BPIFA1: variants seen among roughly 807,000 people sequenced by gnomAD.
BPIFA1 encodes the protein BPI fold containing family A member 1, also known as BPI fold-containing family A member 1.
In BPIFA1, 24 loss-of-function variants were observed where a neutral mutation model predicts 25.1. The ratio of observed to expected loss-of-function variants is 0.96; its 90% CI spans 0.69 to 1.35. The LOEUF is 1.35. BPIFA1 is among the 40% of genes most tolerant of loss of function. BPIFA1 has a pLI of 0.00. For missense variants in BPIFA1, 344 were observed against 303.7 expected (o/e 1.13, Z -0.99); for synonymous variants, 139 against 131.8 (o/e 1.05, Z -0.37).
chr20:33,242,114 T>G lies in BPIFA1; in HGVS notation c.725T>G (p.Ile242Ser), dbSNP rs1417488502. The change falls in exon 7 of 9, where the codon ATT becomes AGT. Residue 242 changes from isoleucine (I) to serine (S), a missense_variant. Transcript: ENST00000354297. ...TTGGACATCACCCTGGTGCATGACA[T>G]TGTTAGTAAGTACCTGCTTTCAAGC... ...RGLDITLVHD[I>S]VNMLIHGLQF... 3 of 1,613,908 alleles carry G rather than the reference T, an allele frequency of 1.9e-6. No homozygotes were observed. Among genetic ancestry groups the G allele is most frequent in the Non-Finnish European group, 2.5e-6 (3 of 1,179,918 alleles).
intron 5 of BPIFA1, 145 bp downstream of exon 5, chr20:33,240,530 AGATGGATGGATGGATGGATGGATG>A (rs10677320): frequency 1.2e-5 from 9 of 749,494 alleles, no homozygotes; most frequent in East Asian, 1.2e-4. Flanking sequence ...GAGCGTGGAA[AGATGGATGGATGGATGGATGGATG>A]GATGGATGGA....
At position 33,238,110 on chromosome 20, in the gene BPIFA1, G is replaced by T. The variant is rs143582801; in HGVS notation, c.216G>T (p.Pro72=). The T allele has an allele frequency of 1.9e-6, 3 of 1,613,972 alleles. No homozygotes were observed. Among genetic ancestry groups the T allele is most frequent in the South Asian group, 2.2e-5 (2 of 91,070 alleles). Residue 72 remains proline, a synonymous_variant, in exon 3 of 9, where the codon CCG becomes CCT. Transcript: ENST00000354297. ...GGLLGILENL[P]LLDILKPGGG... ...TGTTGGGCATTCTGGAAAACCTTCC[G>T]CTCCTGGACATCCTGAAGCCTGGAG...
At position 33,238,178 on chromosome 20, in the gene BPIFA1, T is replaced by C; in HGVS notation, c.284T>C (p.Val95Ala). 1 of 1,613,854 alleles carries C rather than the reference T, an allele frequency of 6.2e-7. No homozygotes were observed. Reference protein sequence around the residue: ...GGLLGGLLGKVTSVIPGLNNI... With the variant: ...GGLLGGLLGKATSVIPGLNNI... ...CTCCTTGGGGGACTGCTTGGAAAAG[T>C]GACGTCAGTGATTCCTGGCCTGAAC... Residue 95 changes from valine (V) to alanine (A), a missense_variant, in exon 3 of 9, where the codon GTG becomes GCG. Val to Ala is a moderately conservative substitution (Grantham distance 64). Transcript: ENST00000354297.
At chr20:33,240,656 T>TAGAC (rs1978927196) in intron 5 of BPIFA1, among the ~76,000 whole-genome samples, 1 of 145,794 alleles carries the variant, frequency 6.9e-6, no homozygotes, top group African/African-American at 2.8e-5. Context: ...GATAGATAGA[T>TAGAC]AGATAGATAG....
At chr20:33,236,946 G>A (rs1978708160) in intron 1 of BPIFA1, among the ~76,000 whole-genome samples, 3 of 152,166 alleles carry the variant, frequency 2.0e-5, no homozygotes. Context: ...CCCCTGTATT[G>A]TGTGACTTTC....
rs1978900553 is a variant in BPIFA1 at position 33,240,314 on chromosome 20, G to A, written c.510G>A (p.Gln170=). Residue 170 remains glutamine, a synonymous_variant, in exon 5 of 9, where the codon CAG becomes CAA. Coordinates refer to ENST00000354297, the MANE Select transcript of BPIFA1 (RefSeq NM_130852.3). The stretch of plus-strand genomic sequence containing the variant: ...AAATCTTAGCTGTGAGAGATAAGCA[G>A]GAGAGGATCCACCTGGTCCTTGGTG... ...TAEILAVRDK[Q]ERIHLVLGDC... is the part of the protein sequence containing the mutation. 1.2e-6 allele frequency: 2 copies of A among 1,614,042 alleles called. No homozygotes were observed. Among genetic ancestry groups the A allele is most frequent in the African/African-American group, 2.7e-5 (2 of 74,916 alleles).
At chr20:33,237,909 T>A in intron 2 of BPIFA1, 38 bp downstream of exon 2, 2 of 497,132 alleles carry the variant, frequency 4.0e-6, no homozygotes, top group South Asian at 3.8e-5. Flanking sequence ...TGTGTGTGTG[T>A]GTGTGTGTGT....
rs1978974964 is a variant in BPIFA1, at chr20:33,241,461, C to T, written c.658C>T (p.Gln220Ter). The change falls in exon 6 of 9, where the codon CAG becomes TAG. Residue 220 changes from glutamine to a stop codon, truncating the protein, a stop_gained. Transcript: ENST00000354297. LOFTEE classifies it high-confidence loss of function. Reference protein sequence around the residue: ...ILNKVLPELVQGNVCPLVNEV... With the variant: ...ILNKVLPELV ...GAATAAAGTCCTGCCTGAGTTGGTT[C>T]AGGGCAACGTAAGTAGGCAAGGTGG... 6 of 1,613,244 alleles carry T rather than the reference C, an allele frequency of 3.7e-6. No individual in the cohort carries two copies. Among genetic ancestry groups the T allele is most frequent in the Non-Finnish European group, 5.1e-6 (6 of 1,179,162 alleles).
chr20:33,239,710 C>T lies in BPIFA1; in HGVS notation c.321-93C>T, dbSNP rs1042417609. Reference sequence around the variant, plus strand: ...TCCCTATCCTGGGTGGGAAGCTCTACCTCTGGGATGGGTACTGTTAGGTTA... The same window carrying T: ...TCCCTATCCTGGGTGGGAAGCTCTATCTCTGGGATGGGTACTGTTAGGTTA... On this transcript the variant is annotated intron_variant, in intron 3 of 8. Transcript: ENST00000354297. 24 of 1,259,740 alleles carry T rather than the reference C, an allele frequency of 1.9e-5. No homozygotes were observed. The African/African-American group carries it at 2.7e-4, about 14-fold the overall frequency. The allele number at this position is 1,259,740 out of a possible 1,614,324, so 78.0% of individuals were successfully genotyped here.
intron 7 of BPIFA1, 43 bp downstream of exon 7, chr20:33,242,162 C>T (rs1200056898): frequency 6.3e-7 from 1 of 1,593,188 alleles, no homozygotes; most frequent in Admixed American, 1.7e-5. Context: ...TCTGCAGGAG[C>T]AGCAACTTCC....
At chr20:33,241,098 A>G (rs1978958262) in intron 5 of BPIFA1, among the ~76,000 whole-genome samples, 1 of 152,194 alleles carries the variant, frequency 6.6e-6, no homozygotes, top group Admixed American at 6.5e-5. Flanking sequence ...TGACAACTAC[A>G]TACTAAGTAG....
intron 5 of BPIFA1, 134 bp downstream of exon 5, chr20:33,240,519 G>A: frequency 4.2e-6 from 5 of 1,201,478 alleles, no homozygotes; most frequent in South Asian, 1.5e-5. Context: ...TGGGAAGGAG[G>A]GAGCGTGGAA....
chr20:33,236,887 G>A (rs1978705413), intron 1 of BPIFA1, among the ~76,000 whole-genome samples: 1 of 152,074 alleles, frequency 6.6e-6, no homozygotes, highest in African/African-American at 2.4e-5. Context: ...GATGGCCCCA[G>A]GAATTCCCCA....
At chr20:33,238,676 G>A (rs572846728) in intron 3 of BPIFA1, among the ~76,000 whole-genome samples, 23 of 152,284 alleles carry the variant, frequency 1.5e-4, no homozygotes, top group African/African-American at 4.8e-4. Context: ...TGATGTTAGC[G>A]AGAGTATAAC....
intron 1 of BPIFA1, 121 bp from the exon 2 acceptor site, chr20:33,237,576 T>G: frequency 1.4e-6 from 1 of 714,932 alleles, no homozygotes; most frequent in Non-Finnish European, 2.1e-6. Flanking sequence ...TATTAGCTAT[T>G]ACTAGTGACC....
chr20:33,241,743 A>G (rs1978987532), intron 6 of BPIFA1, among the ~76,000 whole-genome samples: 1 of 152,198 alleles, frequency 6.6e-6, no homozygotes, highest in South Asian at 2.1e-4. Context: ...TTCCCTGTCC[A>G]GCCTTCTATG....
Position 33,238,188 on chromosome 20 carries a change from G to T in BPIFA1, c.294G>T (p.Val98=). The T allele has an allele frequency of 1.2e-6, 2 of 1,613,780 alleles. No homozygotes were observed. The highest frequency in any genetic ancestry group is 1.1e-5 in the South Asian group (1 of 91,046). Residue 98 remains valine (V), a synonymous_variant, in exon 3 of 9, where the codon GTG becomes GTT. Coordinates refer to ENST00000354297, the MANE Select transcript of BPIFA1 (RefSeq NM_130852.3). ...GACTGCTTGGAAAAGTGACGTCAGT[G>T]ATTCCTGGCCTGAACAACATCATTG... ...LGGLLGKVTS[V]IPGLNNIIDI...
intron 8 of BPIFA1, 94 bp from the exon 9 acceptor site, chr20:33,243,013 G>A (rs1223175529): frequency 1.0e-4 from 17 of 165,248 alleles, no homozygotes; most frequent in Non-Finnish European, 2.6e-5. Flanking sequence ...GGCTTGCCCA[G>A]GGTCTCAGCC....
chr20:33,241,525 A>C (rs1978979471), intron 6 of BPIFA1, 56 bp downstream of exon 6: 3 of 1,496,308 alleles, frequency 2.0e-6, no homozygotes. Flanking sequence ...TTCTTGCACT[A>C]AAACAAAGCC....
Sources: gnomAD v4.1 joint callset for allele counts (sites outside exome capture counted in the v4.1 genomes callset) on GRCh38, gnomAD v4.1.1 for gene constraint, MANE v1.5 for transcripts, NCBI Gene and HGNC (gene_info 2026-07-23, HGNC 2026-07-21) for gene names.